TRIM9: variants seen among roughly 807,000 people sequenced by gnomAD.
TRIM9 encodes E3 ubiquitin-protein ligase TRIM9.
Under a neutral mutation model 78.3 loss-of-function variants are expected in TRIM9, and 26 were observed. The ratio of observed to expected loss-of-function variants is 0.33; its 90% CI spans 0.24 to 0.46. The LOEUF is 0.46. Ranked by LOEUF, TRIM9 falls within the 20% of genes least tolerant of loss-of-function variation. The pLI is 1.00. For missense variants in TRIM9, 787 were observed against 1,036.4 expected, an observed-to-expected ratio of 0.76 and a Z score of 3.30; for synonymous variants, 398 against 416.5, an observed-to-expected ratio of 0.96 and a Z score of 0.54.
At chr14:51,022,686 C>G in intron 3 of TRIM9, 149 bp downstream of exon 3, 1 of 1,208,142 alleles carries the variant, frequency 8.3e-7, no homozygotes, top group Non-Finnish European at 1.1e-6. Context: ...AGGGAGGTGT[C>G]TGTTCCTTTC....
intron 1 of TRIM9, among the ~76,000 whole-genome samples, chr14:51,037,886 G>A (rs917152511): frequency 6.6e-6 from 1 of 152,120 alleles, no homozygotes; most frequent in Non-Finnish European, 1.5e-5. Context: ...ACACCATTAA[G>A]CAGCATTAGT....
chr14:51,025,427 T>A, intron 1 of TRIM9, 67 bp from the exon 2 acceptor site: 2 of 160,994 alleles, frequency 1.2e-5, no homozygotes, highest in African/African-American at 9.6e-5. Flanking sequence ...CCAGCGAGAC[T>A]CAAAACTGAA....
intron 7 of TRIM9, among the ~76,000 whole-genome samples, chr14:50,992,522 A>G (rs2053650802): frequency 6.6e-6 from 1 of 152,050 alleles, no homozygotes; most frequent in Non-Finnish European, 1.5e-5. Flanking sequence ...ACAGTGAGCC[A>G]CGATCGTGAC....
chr14:50,982,458 G>A (rs1259923618), intron 10 of TRIM9: 3 of 364,124 alleles, frequency 8.2e-6, no homozygotes, highest in Non-Finnish European at 1.5e-5. Context: ...GCGCTAAGAT[G>A]CCTGTGTAAC....
chr14:51,008,773 C>A (rs2056182285), intron 5 of TRIM9, among the ~76,000 whole-genome samples: 1 of 152,126 alleles, frequency 6.6e-6, no homozygotes, highest in Admixed American at 6.5e-5. Flanking sequence ...CCTTTCTGTA[C>A]CAAGATTTTA....
intron 5 of TRIM9, among the ~76,000 whole-genome samples, chr14:51,006,617 G>A (rs1368952558): frequency 2.0e-5 from 3 of 152,152 alleles, no homozygotes; most frequent in African/African-American, 4.8e-5. Flanking sequence ...CAGGCAGAGT[G>A]ATAATAATCA....
At position 50,975,659 on chromosome 14, in the gene TRIM9, T is replaced by C. The variant is rs567082829; in HGVS notation, c.*1632A>G. The C allele has an allele frequency of 6.5e-6, 1 of 152,808 alleles. No homozygotes were observed. The highest frequency in any genetic ancestry group is 1.9e-4 in the East Asian group (1 of 5,196). The allele number at this position is 152,808 out of a possible 1,614,324, so 9.5% of individuals were successfully genotyped here. A position where few individuals can be genotyped will look rare whatever the true frequency, so the allele number is the denominator to read the frequency against. On this transcript the variant is annotated 3_prime_UTR_variant, in exon 13 of 13. Transcript: ENST00000684578. ...ATTAGCTATTTACATATATTCCTTT[T>C]TGCCAAAACTTTAATTTGTTAGCTT...
chr14:50,997,448 C>T (rs2139474383), intron 7 of TRIM9: 6 of 985,476 alleles, frequency 6.1e-6, no homozygotes, highest in Non-Finnish European at 7.2e-6. Context: ...CTGTTTGGTG[C>T]CCACAGGAAG....
intron 10 of TRIM9, chr14:50,982,693 C>T: frequency 2.0e-6 from 1 of 492,662 alleles, no homozygotes; most frequent in South Asian, 3.6e-5. Flanking sequence ...GTCTGCATAA[C>T]TTAAAAAACA....
At chr14:50,997,510 C>A in intron 7 of TRIM9, 1 of 986,386 alleles carries the variant, frequency 1.0e-6, no homozygotes, top group South Asian at 4.7e-5. Context: ...CGGAGGCAGT[C>A]TAAGTGGGTA....
chr14:51,035,030 T>C (rs1211133567), intron 1 of TRIM9, among the ~76,000 whole-genome samples: 1 of 146,248 alleles, frequency 6.8e-6, no homozygotes, highest in African/African-American at 2.4e-5. Context: ...AAAATATTTA[T>C]AACACATTAA....
intron 1 of TRIM9, among the ~76,000 whole-genome samples, chr14:51,085,290 C>T (rs2063648913): frequency 1.3e-5 from 2 of 152,222 alleles, no homozygotes; most frequent in Admixed American, 1.3e-4. Context: ...TCTACATGTA[C>T]TCCTGACAGA....
intron 3 of TRIM9, among the ~76,000 whole-genome samples, chr14:51,020,013 T>A: frequency 6.6e-6 from 1 of 152,222 alleles, no homozygotes; most frequent in East Asian, 1.9e-4. Context: ...TTTTTTGGAT[T>A]GCTCAAGGAG....
chr14:51,075,726 A>G (rs1304230071), intron 1 of TRIM9, among the ~76,000 whole-genome samples: 3 of 152,218 alleles, frequency 2.0e-5, no homozygotes, highest in African/African-American at 7.2e-5. Context: ...GGGATGCCTG[A>G]GCTGCTCCAC....
At chr14:51,001,509 G>A (rs1231771335) in intron 5 of TRIM9, among the ~76,000 whole-genome samples, 1 of 152,118 alleles carries the variant, frequency 6.6e-6, no homozygotes, top group Non-Finnish European at 1.5e-5. Flanking sequence ...GATTACAGGC[G>A]TGAGCCACCG....
Position 50,982,019 on chromosome 14 carries a change from T to C in TRIM9, c.1943A>G (p.Tyr648Cys), listed in dbSNP as rs766344041. ...NDNLTVTCSS[Y>C]DDRVVLGKTG... ...CTTCCCTAGCACCACCCGGTCATCATAGCTACTACAGGTCACTGTCAGGTT... is the reference window on the plus strand; with the variant it reads ...CTTCCCTAGCACCACCCGGTCATCACAGCTACTACAGGTCACTGTCAGGTT... The change falls in exon 11 of 13, where the codon TAT (tyrosine) becomes TGT (cysteine). Residue 648 changes from tyrosine to cysteine, a missense_variant. By Grantham distance (194) the Tyr-to-Cys change is radical (BLOSUM62 -2). This residue lies in a region of TRIM9 where 421 missense variants were observed against 514.3 expected (regional missense o/e 0.82). Transcript: ENST00000684578. 14 of 1,614,166 alleles carry C rather than the reference T, an allele frequency of 8.7e-6. No individual in the cohort carries two copies. The highest frequency in any genetic ancestry group is 2.2e-5 in the South Asian group (2 of 91,076).
At chr14:51,008,921 G>A (rs984617353) in intron 5 of TRIM9, among the ~76,000 whole-genome samples, 159 bp downstream of exon 5, 1 of 152,216 alleles carries the variant, frequency 6.6e-6, no homozygotes, top group African/African-American at 2.4e-5. Flanking sequence ...CCAGCTTGCT[G>A]AAAGGTAGGT....
chr14:50,981,652 T>G (rs2051921459), intron 11 of TRIM9, 148 bp downstream of exon 11: 1 of 962,446 alleles, frequency 1.0e-6, no homozygotes, highest in Admixed American at 2.2e-5. Context: ...TGGACTCAGC[T>G]GAGGCTCATA....
rs1373798563 is a variant in TRIM9, at chr14:51,015,547, C to T, written c.1042-5053G>A. On this transcript the variant is annotated intron_variant, in intron 3 of 12. Coordinates refer to ENST00000684578, the MANE Select transcript of TRIM9 (RefSeq NM_001387360.1). The stretch of plus-strand genomic sequence containing the variant: ...TTTTTTTTTTTTAGATAGGGTCTCC[C>T]TCTGTCACCCAGGCTGAGTGTGGTG... Among the ~76,000 whole-genome samples, 3 of 115,778 alleles carry T rather than the reference C, an allele frequency of 2.6e-5. No individual in the cohort carries two copies. The South Asian group carries it at 8.7e-4, about 34-fold the overall frequency. The allele number at this position is 115,778 out of a possible 152,430, so 76.0% of individuals were successfully genotyped here. A position where few individuals can be genotyped will look rare whatever the true frequency, so the allele number is the denominator to read the frequency against.
Sources: allele counts gnomAD v4.1 joint callset (sites outside exome capture counted in the v4.1 genomes callset), GRCh38; gene constraint gnomAD v4.1.1; regional missense constraint gnomAD v4.1.1; transcripts MANE v1.5; gene names NCBI Gene and HGNC (gene_info 2026-07-23, HGNC 2026-07-21).